Variants in RARB observed in about 807,000 individuals in gnomAD.
RARB encodes the protein retinoic acid receptor beta.
RARB carries 17 observed loss-of-function variants against 51.9 expected under a neutral mutation model. That is an observed-to-expected ratio of 0.33 (90% CI 0.22 to 0.49). The LOEUF is 0.49. Ranked by LOEUF, RARB falls within the 20% of genes least tolerant of loss-of-function variation. The pLI is 0.99. For missense variants in RARB, 369 were observed against 550.8 expected, an observed-to-expected ratio of 0.67 and a Z score of 3.30; for synonymous variants, 215 against 195.4, an observed-to-expected ratio of 1.10 and a Z score of -0.84.
intron 2 of RARB, among the ~76,000 whole-genome samples, chr3:24,874,032 A>G (rs1702996892): frequency 6.6e-6 from 1 of 152,108 alleles, no homozygotes; most frequent in Non-Finnish European, 1.5e-5. Context: ...AAATTGTGTT[A>G]GGTATTATAA....
chr3:24,870,521 T>A (rs527850501), intron 2 of RARB, among the ~76,000 whole-genome samples: 4 of 152,288 alleles, frequency 2.6e-5, no homozygotes, highest in African/African-American at 9.6e-5. Flanking sequence ...TATTTCTTTA[T>A]ACTAAGTCTT....
intron 2 of RARB, among the ~76,000 whole-genome samples, chr3:24,919,483 G>A (rs1695174837): frequency 6.8e-6 from 1 of 146,634 alleles, no homozygotes; most frequent in African/African-American, 2.8e-5. Context: ...ACACCAAGCT[G>A]TAACCAATCC....
intron 5 of RARB, among the ~76,000 whole-genome samples, chr3:25,410,764 G>A (rs1040204306): frequency 6.6e-6 from 1 of 152,128 alleles, no homozygotes; most frequent in Non-Finnish European, 1.5e-5. Flanking sequence ...CTTGAAATGG[G>A]CCACAGTCAG....
At chr3:25,320,028 C>CT (rs113901586) in intron 5 of RARB, among the ~76,000 whole-genome samples, 59,440 of 142,280 alleles carry the variant, frequency 0.42, 12,683 homozygotes, top group East Asian at 0.79. Context: ...TAAGGATCAT[C>CT]TTTTTTTTTT....
intron 1 of RARB, among the ~76,000 whole-genome samples, chr3:25,441,905 G>A (rs1322096041): frequency 1.3e-5 from 2 of 152,028 alleles, no homozygotes; most frequent in Admixed American, 6.6e-5. Context: ...GTAAACTATG[G>A]TTGAACCCAC....
Position 25,239,241 on chromosome 3 carries a change from T to C in RARB, c.178+64666T>C, listed in dbSNP as rs189781160. The stretch of plus-strand genomic sequence containing the variant: ...GAATAGTTTGCAAATATTTTTCCTA[T>C]TCAACAGGTTGTTCTATAACTCTGT... On this transcript the variant is annotated intron_variant, in intron 5 of 11. Transcript: ENST00000383772. Among the ~76,000 whole-genome samples, 324 of 152,316 alleles carry C rather than the reference T, an allele frequency of 2.1e-3. 1 individual carries two copies. Among genetic ancestry groups the C allele is most frequent in the African/African-American group, 7.4e-3 (308 of 41,572 alleles).
At chr3:25,557,026 A>G (rs769016284) in intron 3 of RARB, among the ~76,000 whole-genome samples, 1 of 152,102 alleles carries the variant, frequency 6.6e-6, no homozygotes, top group Non-Finnish European at 1.5e-5. Flanking sequence ...ATTACATGGA[A>G]CCATTCTTGC....
At chr3:25,301,094 C>T (rs1021862709) in intron 5 of RARB, among the ~76,000 whole-genome samples, 16 of 152,280 alleles carry the variant, frequency 1.1e-4, no homozygotes, top group African/African-American at 3.6e-4. Context: ...GAGAAACATT[C>T]GGATTTATGG....
intron 5 of RARB, among the ~76,000 whole-genome samples, chr3:25,247,051 C>T (rs1008134486): frequency 1.3e-5 from 2 of 152,224 alleles, no homozygotes; most frequent in Non-Finnish European, 2.9e-5. Flanking sequence ...GGCGGTCTGG[C>T]TACAGCAGCT....
At chr3:25,256,400 C>T (rs145816933) in intron 5 of RARB, among the ~76,000 whole-genome samples, 17 of 152,218 alleles carry the variant, frequency 1.1e-4, no homozygotes, top group African/African-American at 3.6e-4. Flanking sequence ...TTCTTTCACT[C>T]TTGTTGACAT....
In RARB at chr3:25,521,737, C is replaced by A. The variant is rs1001591238; in HGVS notation, c.448+20414C>A. On this transcript the variant is annotated intron_variant, in intron 3 of 7. Transcript: ENST00000330688. ...TCACTTAACCTCTCTGGGTAGTGCACGTCTATAAAACAAGGGCATTGAGGC... is the reference window on the plus strand; with the variant it reads ...TCACTTAACCTCTCTGGGTAGTGCAAGTCTATAAAACAAGGGCATTGAGGC... 7.9e-5 allele frequency among the ~76,000 whole-genome samples: 12 copies of A among 152,092 alleles called. No homozygotes were observed. The East Asian group carries it at 2.1e-3, about 27-fold the overall frequency.
intron 5 of RARB, among the ~76,000 whole-genome samples, chr3:25,210,879 A>G (rs1166040747): frequency 6.6e-6 from 1 of 152,026 alleles, no homozygotes; most frequent in Non-Finnish European, 1.5e-5. Flanking sequence ...CTCTTGCTCT[A>G]GACCTACCAC....
At chr3:25,513,105 C>G (rs1214611233) in intron 3 of RARB, among the ~76,000 whole-genome samples, 1 of 137,706 alleles carries the variant, frequency 7.3e-6, no homozygotes, top group African/African-American at 2.9e-5. Context: ...CGGTAAAACC[C>G]TGTCTTTACT....
chr3:24,939,634 C>T (rs953834520), intron 2 of RARB, among the ~76,000 whole-genome samples: 1 of 152,166 alleles, frequency 6.6e-6, no homozygotes, highest in Non-Finnish European at 1.5e-5. Flanking sequence ...AGCTCATATA[C>T]AGCACATTTT....
At chr3:25,106,478 T>TTTTG (rs1699506814) in intron 3 of RARB, among the ~76,000 whole-genome samples, 1 of 138,414 alleles carries the variant, frequency 7.2e-6, no homozygotes, top group Non-Finnish European at 1.5e-5. Flanking sequence ...GTTTTGTTTT[T>TTTTG]TTTTTGTAGA....
intron 5 of RARB, among the ~76,000 whole-genome samples, chr3:25,289,106 G>A (rs1042441703): frequency 6.6e-5 from 10 of 152,204 alleles, no homozygotes; most frequent in African/African-American, 1.9e-4. Flanking sequence ...GCTGTTTCAC[G>A]TAGTGGATTA....
At chr3:25,018,850 T>C (rs1697569555) in intron 2 of RARB, among the ~76,000 whole-genome samples, 1 of 152,148 alleles carries the variant, frequency 6.6e-6, no homozygotes. Flanking sequence ...GGGTGATGGA[T>C]AAGAAACTTT....
intron 1 of RARB, among the ~76,000 whole-genome samples, chr3:25,459,241 A>G (rs74472949): frequency 0.057 from 8,611 of 152,296 alleles, 337 homozygotes; most frequent in East Asian, 0.13. Context: ...TAAGAAACGA[A>G]AAACAACCAG....
intron 3 of RARB, among the ~76,000 whole-genome samples, chr3:25,084,252 C>T (rs1359003005): frequency 6.6e-6 from 1 of 152,148 alleles, no homozygotes; most frequent in East Asian, 1.9e-4. Context: ...GTTTGGAATG[C>T]CTTCCCCAGC....
Sources: gnomAD v4.1 joint callset for allele counts (sites outside exome capture counted in the v4.1 genomes callset) on GRCh38, gnomAD v4.1.1 for gene constraint, MANE v1.5 for transcripts, NCBI Gene and HGNC (gene_info 2026-07-23, HGNC 2026-07-21) for gene names.